RUNX1: variants seen among roughly 807,000 people sequenced by gnomAD.
RUNX1 encodes runt-related transcription factor 1.
RUNX1 carries 19 observed loss-of-function variants against 42.8 expected under a neutral mutation model. The ratio of observed to expected loss-of-function variants is 0.44; its 90% CI spans 0.31 to 0.65. The LOEUF is 0.65. Ranked by LOEUF, RUNX1 falls within the 30% of genes least tolerant of loss-of-function variation. RUNX1 has a pLI of 0.07. For missense variants in RUNX1, 528 were observed against 672.0 expected, an observed-to-expected ratio of 0.79 and a Z score of 2.37; for synonymous variants, 271 against 289.4, an observed-to-expected ratio of 0.94 and a Z score of 0.64.
chr21:34,876,629 C>T (rs2834658), intron 5 of RUNX1, among the ~76,000 whole-genome samples: 4,779 of 152,104 alleles, frequency 0.031, 83 homozygotes, highest in South Asian at 0.074. Flanking sequence ...ATGATGTTCC[C>T]CAAAGATTAA....
At chr21:34,868,131 T>C (rs1489367321) in intron 5 of RUNX1, among the ~76,000 whole-genome samples, 1 of 152,062 alleles carries the variant, frequency 6.6e-6, no homozygotes, top group Non-Finnish European at 1.5e-5. Flanking sequence ...CAGGTGAGTG[T>C]GGAGGTAGAG....
intron 2 of RUNX1, among the ~76,000 whole-genome samples, chr21:34,940,411 A>C (rs1340629982): frequency 6.6e-6 from 1 of 152,252 alleles, no homozygotes; most frequent in Non-Finnish European, 1.5e-5. Context: ...GCGAAGTTCT[A>C]AACACACAGA....
At chr21:34,915,184 T>C (rs1041369860) in intron 2 of RUNX1, among the ~76,000 whole-genome samples, 8 of 152,164 alleles carry the variant, frequency 5.3e-5, no homozygotes, top group African/African-American at 1.9e-4. Flanking sequence ...AGAAGAAAGA[T>C]GTAGAAAAAG....
At chr21:34,821,204 CTT>C (rs1416603201) in intron 7 of RUNX1, 2 of 1,024,632 alleles carry the variant, frequency 2.0e-6, no homozygotes, top group South Asian at 4.6e-5. Flanking sequence ...AGCTGTGTGA[CTT>C]GGAGAGGACC....
intron 2 of RUNX1, among the ~76,000 whole-genome samples, chr21:34,948,817 C>T (rs948429342): frequency 6.6e-6 from 1 of 152,138 alleles, no homozygotes; most frequent in Non-Finnish European, 1.5e-5. Flanking sequence ...GCGGTCTCAG[C>T]TCATTGCAAC....
intron 7 of RUNX1, 62 bp from the exon 8 acceptor site, chr21:34,799,524 T>C: frequency 6.8e-7 from 1 of 1,464,938 alleles, no homozygotes; most frequent in Non-Finnish European, 9.5e-7. Context: ...AAATGTCTTT[T>C]AATAAGAAAT....
chr21:34,989,343 A>G (rs2058918711), intron 2 of RUNX1, among the ~76,000 whole-genome samples: 1 of 151,404 alleles, frequency 6.6e-6, no homozygotes, highest in Non-Finnish European at 1.5e-5. Flanking sequence ...GCCATTCTCT[A>G]CTCTGCTTGG....
chr21:34,846,038 C>T (rs1178412761), intron 6 of RUNX1, among the ~76,000 whole-genome samples: 2 of 152,012 alleles, frequency 1.3e-5, no homozygotes, highest in African/African-American at 2.4e-5. Flanking sequence ...GGAGGCGGCC[C>T]CACTCAGAAA....
chr21:34,882,237 G>A (rs1232345792), intron 4 of RUNX1, among the ~76,000 whole-genome samples: 1 of 152,088 alleles, frequency 6.6e-6, no homozygotes, highest in East Asian at 1.9e-4. Flanking sequence ...TTCATGATCT[G>A]CTTAGCCATC....
At chr21:34,837,673 G>A (rs567817068) in intron 6 of RUNX1, among the ~76,000 whole-genome samples, 4 of 152,232 alleles carry the variant, frequency 2.6e-5, no homozygotes, top group East Asian at 1.9e-4. Context: ...ACTGAGTACC[G>A]GGCTTTAGAG....
chr21:34,943,198 C>T (rs1429761766), intron 2 of RUNX1, among the ~76,000 whole-genome samples: 1 of 152,240 alleles, frequency 6.6e-6, no homozygotes, highest in African/African-American at 2.4e-5. Flanking sequence ...GACTGTTCTA[C>T]TGTTCGGGGT....
Position 34,791,935 on chromosome 21 carries a change from C to T in RUNX1, c.*200G>A. ...CGAGGGCCGGGGCGCCAGCAGACGGCGGCGGCGTGGGCTTCTGGGCGCAGG... is the reference window on the plus strand; with the variant it reads ...CGAGGGCCGGGGCGCCAGCAGACGGTGGCGGCGTGGGCTTCTGGGCGCAGG... On this transcript the variant is annotated 3_prime_UTR_variant, in exon 9 of 9. Coordinates refer to ENST00000675419, the MANE Select transcript of RUNX1 (RefSeq NM_001754.5). 2 of 344,614 alleles carry T rather than the reference C, an allele frequency of 5.8e-6. No homozygotes were observed. 21.3% of individuals were successfully genotyped at this position (344,614 alleles called of 1,614,324 possible). A position where few individuals can be genotyped will look rare whatever the true frequency, so the allele number is the denominator to read the frequency against.
At chr21:34,972,993 T>C (rs2058773794) in intron 2 of RUNX1, among the ~76,000 whole-genome samples, 1 of 152,222 alleles carries the variant, frequency 6.6e-6, no homozygotes, top group Non-Finnish European at 1.5e-5. Flanking sequence ...CTGACATTTC[T>C]GGAGAACCTT....
intron 5 of RUNX1, among the ~76,000 whole-genome samples, chr21:34,864,095 C>A (rs967271285): frequency 2.0e-5 from 3 of 152,212 alleles, no homozygotes; most frequent in Non-Finnish European, 4.4e-5. Flanking sequence ...CAGCAACGGG[C>A]GCACCTGACA....
chr21:35,037,440 G>A (rs1213807984), intron 2 of RUNX1, among the ~76,000 whole-genome samples: 1 of 152,222 alleles, frequency 6.6e-6, no homozygotes. Flanking sequence ...GTCCAGGATG[G>A]TGGCCAGTGC....
At chr21:34,889,756 G>GC (rs1224362319) in intron 3 of RUNX1, 8 of 1,158,670 alleles carry the variant, frequency 6.9e-6, no homozygotes, top group Non-Finnish European at 7.5e-6. Flanking sequence ...AGCTCGGAGG[G>GC]CCCCGCCCCC....
intron 6 of RUNX1, among the ~76,000 whole-genome samples, chr21:34,849,423 AGTATATATATT>A (rs2057381168): frequency 1.4e-5 from 1 of 71,916 alleles, no homozygotes; most frequent in Non-Finnish European, 2.5e-5. Flanking sequence ...TATATTATAT[AGTATATATATT>A]ATATATATAC....
chr21:34,883,914 G>A (rs193195962), intron 4 of RUNX1, among the ~76,000 whole-genome samples: 9 of 152,284 alleles, frequency 5.9e-5, no homozygotes, highest in African/African-American at 2.2e-4. Flanking sequence ...GCATAGCTAG[G>A]GACTGTGATC....
At chr21:34,906,285 G>C (rs2058218761) in intron 2 of RUNX1, among the ~76,000 whole-genome samples, 1 of 152,190 alleles carries the variant, frequency 6.6e-6, no homozygotes, top group Admixed American at 6.5e-5. Flanking sequence ...AACTGGGTTG[G>C]TTCGTCACTA....
Sources: allele counts gnomAD v4.1 joint callset (sites outside exome capture counted in the v4.1 genomes callset), GRCh38; gene constraint gnomAD v4.1.1; transcripts MANE v1.5; gene names NCBI Gene and HGNC (gene_info 2026-07-23, HGNC 2026-07-21).